The following LRGUK variants were observed in gnomAD, a reference collection of about 807,000 sequenced individuals.
The protein encoded by LRGUK is leucine-rich repeat and guanylate kinase domain-containing protein.
In LRGUK, 65 loss-of-function variants were observed where a neutral mutation model predicts 76.0. The observed-to-expected ratio is 0.85, with a 90% CI of 0.70 to 1.05. The LOEUF (loss-of-function observed/expected upper bound fraction) is 1.05. Among genes scored for constraint, LRGUK ranks in the 50% least tolerant of loss-of-function variants. LRGUK has a pLI of 0.00. For missense variants in LRGUK, 758 were observed against 732.8 expected, an observed-to-expected ratio of 1.03 and a Z score of -0.40; for synonymous variants, 268 against 265.6, an observed-to-expected ratio of 1.01 and a Z score of -0.09.
At chr7:134,146,949 A>C (rs1329290727) in intron 4 of LRGUK, among the ~76,000 whole-genome samples, 3 of 116,056 alleles carry the variant, frequency 2.6e-5, no homozygotes, top group African/African-American at 1.0e-4. Flanking sequence ...TCCTTAAAAA[A>C]ACTTTTTTTG....
intron 19 of LRGUK, among the ~76,000 whole-genome samples, chr7:134,260,516 G>A (rs1041005298): frequency 1.3e-5 from 2 of 152,306 alleles, no homozygotes; most frequent in African/African-American, 4.8e-5. Context: ...AATTAGTGGC[G>A]TGTGTTCTAA....
intron 11 of LRGUK, among the ~76,000 whole-genome samples, chr7:134,190,612 G>C (rs1800163807): frequency 6.6e-6 from 1 of 152,184 alleles, no homozygotes; most frequent in African/African-American, 2.4e-5. Context: ...CCTGGTGGTT[G>C]GGACCACCAT....
At chr7:134,151,481 A>G (rs1160066132) in intron 5 of LRGUK, among the ~76,000 whole-genome samples, 1 of 152,110 alleles carries the variant, frequency 6.6e-6, no homozygotes, top group Non-Finnish European at 1.5e-5. Flanking sequence ...AGACCTTCCA[A>G]TAGTGAACAA....
chr7:134,182,933 T>C (rs1322520961), intron 10 of LRGUK, among the ~76,000 whole-genome samples: 3 of 152,202 alleles, frequency 2.0e-5, no homozygotes, highest in Non-Finnish European at 4.4e-5. Flanking sequence ...GCTAATTCTG[T>C]ATTTTCAGTA....
chr7:134,127,589 G>C, exon 1 of LRGUK: 5 of 1,614,178 alleles, frequency 3.1e-6, no homozygotes, highest in Non-Finnish European at 4.2e-6. Flanking sequence ...AGCTGGACTC[G>C]GACGGAGATG....
At chr7:134,189,809 T>A (rs1298520695) in intron 11 of LRGUK, among the ~76,000 whole-genome samples, 2 of 152,208 alleles carry the variant, frequency 1.3e-5, no homozygotes, top group Non-Finnish European at 2.9e-5. Flanking sequence ...ACAAAACAAA[T>A]GCCACAGTGT....
At chr7:134,229,349 G>A (rs1489873454) in intron 16 of LRGUK, among the ~76,000 whole-genome samples, 5 of 150,544 alleles carry the variant, frequency 3.3e-5, no homozygotes, top group African/African-American at 1.2e-4. Context: ...GGTGACAGAG[G>A]GAGACTCCAT....
At chr7:134,255,996 G>T (rs191873175) in intron 18 of LRGUK, among the ~76,000 whole-genome samples, 1 of 152,120 alleles carries the variant, frequency 6.6e-6, no homozygotes, top group Non-Finnish European at 1.5e-5. Flanking sequence ...AGAAACATGG[G>T]CCAAAACAAG....
At chr7:134,130,795 A>T (rs1797268928) in intron 1 of LRGUK, among the ~76,000 whole-genome samples, 1 of 152,166 alleles carries the variant, frequency 6.6e-6, no homozygotes, top group Non-Finnish European at 1.5e-5. Context: ...TGTTCAAAAC[A>T]CTGCTGTTGG....
At chr7:134,232,240 C>T (rs415678) in intron 16 of LRGUK, among the ~76,000 whole-genome samples, 8,434 of 152,096 alleles carry the variant, frequency 0.055, 514 homozygotes, top group East Asian at 0.15. Context: ...GTGGAAATCC[C>T]CAGTATTACT....
chr7:134,224,876 C>A (rs561388072), intron 16 of LRGUK, among the ~76,000 whole-genome samples: 2 of 151,886 alleles, frequency 1.3e-5, no homozygotes, highest in African/African-American at 4.8e-5. Flanking sequence ...CATGGTGAAA[C>A]CCCGTCTCTA....
chr7:134,174,667 CAG>C lies in LRGUK; in HGVS notation c.1020+35_1020+36del, dbSNP rs770163689. The C allele has an allele frequency of 2.2e-4, 290 of 1,296,924 alleles. 1 individual carries two copies. The highest frequency in any genetic ancestry group is 3.0e-4 in the Non-Finnish European group (269 of 896,894). 80.3% of individuals were successfully genotyped at this position (1,296,924 alleles called of 1,614,324 possible). A position where few individuals can be genotyped will look rare whatever the true frequency, so the allele number is the denominator to read the frequency against. On this transcript the variant is annotated intron_variant, in intron 8 of 15. Transcript: ENST00000645682. ...ACATTATTTATATCAGGGAGGGAGACAGAGAAGAAAGTGGGATGGTGGAGGGA... is the reference window on the plus strand; with the variant it reads ...ACATTATTTATATCAGGGAGGGAGACAGAAGAAAGTGGGATGGTGGAGGGA...
At chr7:134,168,866 G>A (rs1254149086) in intron 7 of LRGUK, among the ~76,000 whole-genome samples, 1 of 152,046 alleles carries the variant, frequency 6.6e-6, no homozygotes, top group Admixed American at 6.6e-5. Context: ...CAACAGCAGG[G>A]TGGGGACATG....
At chr7:134,161,942 G>A (rs962235707) in intron 6 of LRGUK, among the ~76,000 whole-genome samples, 7 of 151,910 alleles carry the variant, frequency 4.6e-5, no homozygotes, top group South Asian at 2.1e-4. Context: ...TCCGCCTGCC[G>A]CAGCCTCCCA....
chr7:134,226,243 T>TGTGC (rs780454204), intron 16 of LRGUK, among the ~76,000 whole-genome samples: 19 of 151,618 alleles, frequency 1.3e-4, no homozygotes, highest in Non-Finnish European at 2.1e-4. Context: ...TGTGTGTGTG[T>TGTGC]GTGTGTGTGT....
chr7:134,171,322 G>C (rs1799236831), intron 7 of LRGUK, among the ~76,000 whole-genome samples: 1 of 151,810 alleles, frequency 6.6e-6, no homozygotes, highest in African/African-American at 2.4e-5. Context: ...TTTCTGCACA[G>C]ATTTATGTTT....
intron 1 of LRGUK, among the ~76,000 whole-genome samples, chr7:134,132,698 G>T (rs1797364762): frequency 6.6e-6 from 1 of 152,216 alleles, no homozygotes; most frequent in Non-Finnish European, 1.5e-5. Flanking sequence ...GAACCACAGA[G>T]AATGGTGGGT....
At chr7:134,137,375 T>A (rs1656575549) in intron 2 of LRGUK, among the ~76,000 whole-genome samples, 1 of 152,198 alleles carries the variant, frequency 6.6e-6, no homozygotes, top group Non-Finnish European at 1.5e-5. Flanking sequence ...TCATCTTAAG[T>A]AGTCTATATT....
At chr7:134,218,356 A>G (rs1179722898) in intron 15 of LRGUK, among the ~76,000 whole-genome samples, 1 of 152,212 alleles carries the variant, frequency 6.6e-6, no homozygotes, top group African/African-American at 2.4e-5. Flanking sequence ...GCTTTCAAAG[A>G]GAGATCAACT....
Sources: allele counts gnomAD v4.1 joint callset (sites outside exome capture counted in the v4.1 genomes callset), GRCh38; gene constraint gnomAD v4.1.1; transcripts MANE v1.5; gene names NCBI Gene and HGNC (gene_info 2026-07-23, HGNC 2026-07-21).